The following ADGRB3 variants were observed in gnomAD, a reference collection of about 807,000 sequenced individuals.
The protein encoded by ADGRB3 is brain-specific angiogenesis inhibitor 3.
ADGRB3 carries 37 observed loss-of-function variants against 193.4 expected under a neutral mutation model. The observed-to-expected ratio is 0.19, with a 90% CI of 0.15 to 0.25. The LOEUF (loss-of-function observed/expected upper bound fraction) is 0.25, where lower values mean the gene tolerates loss of function less well. Among genes scored for constraint, ADGRB3 ranks in the 10% least tolerant of loss-of-function variants. The probability of loss-of-function intolerance (pLI) is 1.00; values close to 1 mark genes in which losing one functional copy is unlikely to be tolerated. For synonymous variants in ADGRB3, 690 were observed against 644.2 expected, an observed-to-expected ratio of 1.07 and a Z score of -1.08; for missense variants, 1,637 against 1,852.9, an observed-to-expected ratio of 0.88 and a Z score of 2.14.
chr6:69,181,349 A>G lies in ADGRB3; in HGVS notation c.2481-51941A>G, dbSNP rs553856713. 5.9e-5 allele frequency among the ~76,000 whole-genome samples: 9 copies of G among 152,140 alleles called. 1 individual carries two copies. In the South Asian group the frequency reaches 1.9e-3, roughly 32 times the overall value. ...ATGTCCATCACATTTACTTTTCCTC[A>G]TAATATTCTTATTTTTTTAAAAAAA... On this transcript the variant is annotated intron_variant, in intron 17 of 31. Transcript: ENST00000370598.
In ADGRB3 at chr6:69,382,938, A is replaced by C; in HGVS notation, c.4380+3A>C. On this transcript the variant is annotated splice_donor_region_variant and intron_variant, in intron 31 of 31. Coordinates refer to ENST00000370598, the MANE Select transcript of ADGRB3 (RefSeq NM_001704.3). ...ATATACCAAATACAAGCAGTATGGT[A>C]AGTATGCTTTGCTTCAATGCCTGAG... 1 of 1,584,332 alleles carries C rather than the reference A, an allele frequency of 6.3e-7. No homozygotes were observed. Among genetic ancestry groups the C allele is most frequent in the Non-Finnish European group, 8.6e-7 (1 of 1,156,894 alleles).
At chr6:69,140,959 C>G (rs1244574572) in intron 17 of ADGRB3, among the ~76,000 whole-genome samples, 1 of 151,902 alleles carries the variant, frequency 6.6e-6, no homozygotes, top group Non-Finnish European at 1.5e-5. Flanking sequence ...AAAATAGACA[C>G]AAATCTCTCC....
chr6:69,053,371 C>T (rs1336760458), intron 15 of ADGRB3, among the ~76,000 whole-genome samples: 3 of 152,166 alleles, frequency 2.0e-5, no homozygotes, highest in Non-Finnish European at 4.4e-5. Flanking sequence ...AAAACCAGGA[C>T]TCTTCTACTA....
chr6:68,818,247 A>G (rs1767674194), intron 3 of ADGRB3, among the ~76,000 whole-genome samples: 1 of 152,042 alleles, frequency 6.6e-6, no homozygotes, highest in South Asian at 2.1e-4. Flanking sequence ...CAAGCCATAG[A>G]CTTGAGAGTT....
intron 11 of ADGRB3, among the ~76,000 whole-genome samples, chr6:69,012,890 T>C (rs943772166): frequency 1.3e-5 from 2 of 152,066 alleles, no homozygotes; most frequent in Non-Finnish European, 2.9e-5. Context: ...TAACAAGTTA[T>C]GATTATTTCT....
chr6:68,943,952 C>T lies in ADGRB3; in HGVS notation c.1153C>T (p.Pro385Ser). 2 of 1,613,760 alleles carry T rather than the reference C, an allele frequency of 1.2e-6. No individual in the cohort carries two copies. Among genetic ancestry groups the T allele is most frequent in the Non-Finnish European group, 1.7e-6 (2 of 1,179,752 alleles). ...GTATGGAGGAAGGCCGTGTGAAGGACCTGAAACACATCATAAGCCTTGTAA... is the reference window on the plus strand; with the variant it reads ...GTATGGAGGAAGGCCGTGTGAAGGATCTGAAACACATCATAAGCCTTGTAA... ...PQYGGRPCEG[P>S]ETHHKPCNIA... The change falls in exon 6 of 32, where the codon CCT becomes TCT. Residue 385 changes from proline to serine, a missense_variant. Physicochemically the swap from Pro to Ser is moderately conservative, Grantham distance 74. This residue lies in a region of ADGRB3 where 641 missense variants were observed against 673.9 expected (regional missense o/e 0.95). Transcript: ENST00000370598.
chr6:69,188,420 T>C (rs2150353896), intron 17 of ADGRB3, among the ~76,000 whole-genome samples: 1 of 152,218 alleles, frequency 6.6e-6, no homozygotes, highest in Non-Finnish European at 1.5e-5. Context: ...GCGATTCTCT[T>C]GCCTCAGCCT....
At chr6:68,825,853 CAATT>C (rs1363399299) in intron 3 of ADGRB3, among the ~76,000 whole-genome samples, 2 of 152,202 alleles carry the variant, frequency 1.3e-5, no homozygotes, top group Non-Finnish European at 2.9e-5. Context: ...AACTGTGAAT[CAATT>C]AAACCTTTTT....
intron 17 of ADGRB3, among the ~76,000 whole-genome samples, chr6:69,159,996 A>T (rs1774941583): frequency 1.3e-5 from 2 of 152,140 alleles, no homozygotes; most frequent in Admixed American, 1.3e-4. Flanking sequence ...CTCTGCCTTC[A>T]AGATGTATCC....
intron 17 of ADGRB3, among the ~76,000 whole-genome samples, chr6:69,155,962 A>T (rs1002249924): frequency 2.6e-5 from 4 of 152,118 alleles, no homozygotes; most frequent in African/African-American, 9.7e-5. Flanking sequence ...TGTTTCTTAT[A>T]TATATTAAAT....
intron 3 of ADGRB3, among the ~76,000 whole-genome samples, chr6:68,785,023 A>C (rs900720766): frequency 1.3e-5 from 2 of 152,142 alleles, no homozygotes; most frequent in East Asian, 3.9e-4. Flanking sequence ...GATAATAACC[A>C]TATGAGAAAG....
intron 21 of ADGRB3, among the ~76,000 whole-genome samples, chr6:69,326,240 C>T (rs988782463): frequency 4.6e-5 from 7 of 152,146 alleles, no homozygotes; most frequent in Admixed American, 2.0e-4. Context: ...AAGACCCTAT[C>T]TCACACCAAC....
At chr6:69,277,567 C>T (rs1372915959) in intron 20 of ADGRB3, among the ~76,000 whole-genome samples, 1 of 152,170 alleles carries the variant, frequency 6.6e-6, no homozygotes, top group Middle Eastern at 3.2e-3. Context: ...GTGCAGCTGT[C>T]ATCTCAGTTG....
intron 3 of ADGRB3, among the ~76,000 whole-genome samples, chr6:68,721,625 TAA>T (rs1491374420): frequency 5.6e-5 from 3 of 54,012 alleles, no homozygotes; most frequent in South Asian, 8.1e-4. Context: ...TAAAGTATAA[TAA>T]ATATATATAT....
chr6:69,287,346 A>G (rs1767573959), intron 20 of ADGRB3, among the ~76,000 whole-genome samples: 1 of 152,190 alleles, frequency 6.6e-6, no homozygotes, highest in African/African-American at 2.4e-5. Context: ...CTCAAGATTG[A>G]GAGGACAGTA....
At chr6:68,938,738 G>A (rs1048666085) in intron 5 of ADGRB3, among the ~76,000 whole-genome samples, 3 of 152,058 alleles carry the variant, frequency 2.0e-5, no homozygotes, top group Admixed American at 6.6e-5. Flanking sequence ...TTGGGTGTGG[G>A]TACAGTGGGT....
intron 20 of ADGRB3, among the ~76,000 whole-genome samples, chr6:69,245,099 A>C (rs1457768249): frequency 6.6e-6 from 1 of 152,096 alleles, no homozygotes; most frequent in Non-Finnish European, 1.5e-5. Context: ...TCTGGAAGTT[A>C]TCCTTGATGT....
intron 15 of ADGRB3, among the ~76,000 whole-genome samples, chr6:69,055,418 G>A (rs994397940): frequency 6.6e-6 from 1 of 152,110 alleles, no homozygotes; most frequent in Non-Finnish European, 1.5e-5. Context: ...ATTTCAATTA[G>A]CACAATATCC....
intron 13 of ADGRB3, among the ~76,000 whole-genome samples, chr6:69,044,846 T>C (rs1771193666): frequency 6.7e-6 from 1 of 149,416 alleles, no homozygotes; most frequent in Non-Finnish European, 1.5e-5. Context: ...CTTTGAGATT[T>C]ATTTTAAGTA....
Sources: gnomAD v4.1 joint callset for allele counts (sites outside exome capture counted in the v4.1 genomes callset) on GRCh38, gnomAD v4.1.1 for gene constraint, gnomAD v4.1.1 regional missense constraint, MANE v1.5 for transcripts, NCBI Gene and HGNC (gene_info 2026-07-23, HGNC 2026-07-21) for gene names.